PRKCZ: variants seen among roughly 807,000 people sequenced by gnomAD.
PRKCZ encodes the protein protein kinase C zeta type.
Under a neutral mutation model 79.5 loss-of-function variants are expected in PRKCZ, and 33 were observed. That is an observed-to-expected ratio of 0.41 (90% CI 0.31 to 0.55). The LOEUF is 0.55. Ranked by LOEUF, PRKCZ falls within the 20% of genes least tolerant of loss-of-function variation. PRKCZ has a pLI of 0.19. For missense variants in PRKCZ, 578 were observed against 813.5 expected (o/e 0.71, Z 3.52); for synonymous variants, 342 against 320.9 (o/e 1.07, Z -0.70).
intron 1 of PRKCZ, among the ~76,000 whole-genome samples, chr1:2,052,954 C>T (rs369911950): frequency 7.9e-5 from 12 of 152,178 alleles, no homozygotes; most frequent in African/African-American, 1.2e-4. Context: ...ATCCAATCCT[C>T]GCCACCCCAC....
intron 9 of PRKCZ, among the ~76,000 whole-genome samples, chr1:2,152,607 C>G (rs1680116579): frequency 6.6e-6 from 1 of 152,226 alleles, no homozygotes; most frequent in African/African-American, 2.4e-5. Context: ...AGTTGAGCAG[C>G]TATCACCTCT....
At chr1:2,135,423 C>CAA (rs1468042448) in intron 5 of PRKCZ, 76 bp downstream of exon 5, 1 of 1,354,104 alleles carries the variant, frequency 7.4e-7, no homozygotes, top group Non-Finnish European at 1.0e-6. Flanking sequence ...GGAGGGGAGG[C>CAA]ACGTCCCGCT....
At chr1:2,099,085 T>TGACTTCCGTTGTTGTCTGTGTTGC (rs1402553526) in intron 4 of PRKCZ, among the ~76,000 whole-genome samples, 5 of 151,770 alleles carry the variant, frequency 3.3e-5, no homozygotes, top group African/African-American at 9.7e-5. Flanking sequence ...GTCTGTGCTG[T>TGACTTCCGTTGTTGTCTGTGTTGC]GACTTCCGTT....
intron 4 of PRKCZ, among the ~76,000 whole-genome samples, chr1:2,115,835 G>A (rs1304098475): frequency 1.3e-5 from 2 of 152,192 alleles, no homozygotes; most frequent in African/African-American, 4.8e-5. Flanking sequence ...CCACCCTCCA[G>A]CACCTTGGTA....
At chr1:2,077,878 T>C (rs1662733459) in intron 4 of PRKCZ, among the ~76,000 whole-genome samples, 1 of 152,284 alleles carries the variant, frequency 6.6e-6, no homozygotes, top group Non-Finnish European at 1.5e-5. Flanking sequence ...TCACTGTTTA[T>C]TGTTTTTAAT....
intron 9 of PRKCZ, 124 bp downstream of exon 9, chr1:2,151,102 A>C (rs1038598485): frequency 1.7e-6 from 2 of 1,183,616 alleles, no homozygotes; most frequent in Non-Finnish European, 1.2e-6. Context: ...AGTTTGTGCA[A>C]AATCAATAGT....
intron 4 of PRKCZ, among the ~76,000 whole-genome samples, chr1:2,086,509 C>T (rs1462579053): frequency 6.6e-6 from 1 of 152,214 alleles, no homozygotes; most frequent in Non-Finnish European, 1.5e-5. Context: ...ACCCGCTTTT[C>T]CATCAGGTTT....
chr1:2,179,668 T>G (rs183088327), intron 16 of PRKCZ, among the ~76,000 whole-genome samples: 44 of 152,184 alleles, frequency 2.9e-4, no homozygotes, highest in African/African-American at 9.9e-4. Context: ...CTCTTGAGAG[T>G]CATTTGCTGC....
At chr1:2,048,834 C>A (rs2102171302), upstream of PRKCZ, among the ~76,000 whole-genome samples, 1 of 152,262 alleles carries the variant, frequency 6.6e-6, no homozygotes, top group East Asian at 1.9e-4. Flanking sequence ...GATGTGTGAG[C>A]CTTCCCAGGA....
intron 4 of PRKCZ, among the ~76,000 whole-genome samples, chr1:2,090,875 T>G (rs1389298563): frequency 6.6e-6 from 1 of 152,216 alleles, no homozygotes; most frequent in African/African-American, 2.4e-5. Context: ...TTAATTTAGC[T>G]CTCCCTGTGG....
intron 4 of PRKCZ, among the ~76,000 whole-genome samples, chr1:2,116,746 T>C (rs1410996036): frequency 2.6e-5 from 4 of 152,204 alleles, no homozygotes; most frequent in Non-Finnish European, 2.9e-5. Flanking sequence ...TTTTCAAGGT[T>C]ATCTTGGTTA....
In PRKCZ at chr1:2,095,607, G is replaced by A. The variant is rs546402077; in HGVS notation, c.334+36016G>A. Among the ~76,000 whole-genome samples the A allele has an allele frequency of 1.5e-4, 23 of 152,128 alleles. 1 individual carries two copies. The East Asian group carries it at 4.4e-3, about 29-fold the overall frequency. ...CGTGCGTCCTGCATGGGTGGTGCCG[G>A]CCGGCTGTGCCCAAAGTCATGCCCT... On this transcript the variant is annotated intron_variant, in intron 4 of 17. Transcript: ENST00000378567.
At chr1:2,089,352 G>C (rs529224277) in intron 4 of PRKCZ, among the ~76,000 whole-genome samples, 4 of 152,316 alleles carry the variant, frequency 2.6e-5, no homozygotes, top group Admixed American at 2.6e-4. Context: ...GTTGGGGACA[G>C]AGACTTCCAG....
At chr1:2,090,525 C>T (rs542774742) in intron 4 of PRKCZ, among the ~76,000 whole-genome samples, 1 of 152,338 alleles carries the variant, frequency 6.6e-6, no homozygotes, top group South Asian at 2.1e-4. Flanking sequence ...CTTCCAGGAG[C>T]TTAAGGCCCC....
At chr1:2,052,517 C>T (rs1474408132) in intron 1 of PRKCZ, among the ~76,000 whole-genome samples, 1 of 151,904 alleles carries the variant, frequency 6.6e-6, no homozygotes, top group Non-Finnish European at 1.5e-5. Context: ...CTTCACCTTC[C>T]TCCCCCTTCT....
intron 4 of PRKCZ, among the ~76,000 whole-genome samples, chr1:2,076,234 C>T (rs1662392372): frequency 2.0e-5 from 3 of 152,030 alleles, no homozygotes; most frequent in Non-Finnish European, 2.9e-5. Flanking sequence ...AGTGTGGGCT[C>T]AGCAGGTCTG....
intron 7 of PRKCZ, among the ~76,000 whole-genome samples, chr1:2,148,493 C>G (rs1250177952): frequency 5.2e-5 from 8 of 152,388 alleles, no homozygotes; most frequent in South Asian, 2.1e-4. Flanking sequence ...ACTGACCTCT[C>G]CATCTATCCG....
chr1:2,156,365 A>G (rs1681046731), intron 10 of PRKCZ: 1 of 340,502 alleles, frequency 2.9e-6, no homozygotes, highest in Non-Finnish European at 5.7e-6. Context: ...TGGGGCTACA[A>G]AAGTAAGCAA....
chr1:2,083,970 G>A (rs1664046159), intron 4 of PRKCZ, among the ~76,000 whole-genome samples: 1 of 152,308 alleles, frequency 6.6e-6, no homozygotes, highest in African/African-American at 2.4e-5. Flanking sequence ...GGTGGCTCAC[G>A]CCTGTAGTCC....
Sources: allele counts gnomAD v4.1 joint callset (sites outside exome capture counted in the v4.1 genomes callset), GRCh38; gene constraint gnomAD v4.1.1; transcripts MANE v1.5; gene names NCBI Gene and HGNC (gene_info 2026-07-23, HGNC 2026-07-21).